PAQR5: variants seen among roughly 807,000 people sequenced by gnomAD.
PAQR5 encodes membrane progestin receptor gamma.
PAQR5 carries 20 observed loss-of-function variants against 34.5 expected under a neutral mutation model. That is an observed-to-expected ratio of 0.58 (90% CI 0.41 to 0.84). The LOEUF (loss-of-function observed/expected upper bound fraction) is 0.84, where lower values mean the gene tolerates loss of function less well. PAQR5 is among the 40% of genes least tolerant of loss of function. The pLI, the probability that PAQR5 is intolerant of heterozygous loss-of-function variation, is 0.00. For missense variants in PAQR5, 378 were observed against 412.7 expected (o/e 0.92, Z 0.73); for synonymous variants, 131 against 155.6 (o/e 0.84, Z 1.18).
intron 1 of PAQR5, among the ~76,000 whole-genome samples, chr15:69,335,711 G>C (rs2054500709): frequency 6.6e-6 from 1 of 151,816 alleles, no homozygotes; most frequent in South Asian, 2.1e-4. Flanking sequence ...CCACCCTTAG[G>C]TTAAAGCATT....
At chr15:69,339,960 G>C (rs1235480904) in intron 2 of PAQR5, among the ~76,000 whole-genome samples, 1 of 152,090 alleles carries the variant, frequency 6.6e-6, no homozygotes, top group African/African-American at 2.4e-5. Flanking sequence ...TCTGCCTCCC[G>C]GGTTCAAGCG....
chr15:69,332,497 G>T (rs376625197), intron 1 of PAQR5, among the ~76,000 whole-genome samples: 1 of 152,158 alleles, frequency 6.6e-6, no homozygotes, highest in Non-Finnish European at 1.5e-5. Context: ...TTAAAAGCCT[G>T]TGCAAGCTTG....
At chr15:69,335,315 G>A (rs578029189) in intron 1 of PAQR5, among the ~76,000 whole-genome samples, 4 of 141,422 alleles carry the variant, frequency 2.8e-5, no homozygotes, top group African/African-American at 1.1e-4. Context: ...GCATGATCTC[G>A]GCTCACCACA....
At chr15:69,392,625 C>G (rs1467045604) in intron 6 of PAQR5, among the ~76,000 whole-genome samples, 2 of 152,154 alleles carry the variant, frequency 1.3e-5, no homozygotes, top group South Asian at 4.1e-4. Flanking sequence ...ATAGGAGAGA[C>G]AGACTGCAGA....
intron 1 of PAQR5, among the ~76,000 whole-genome samples, chr15:69,335,067 A>G (rs948695975): frequency 6.6e-6 from 1 of 151,948 alleles, no homozygotes; most frequent in Non-Finnish European, 1.5e-5. Context: ...TACTGAAAAA[A>G]TACAAAAATT....
At chr15:69,382,427 A>G (rs2055910953) in intron 4 of PAQR5, among the ~76,000 whole-genome samples, 1 of 152,030 alleles carries the variant, frequency 6.6e-6, no homozygotes, top group Admixed American at 6.6e-5. Context: ...CAGGCAGACC[A>G]CAAGGTCAGG....
chr15:69,352,942 G>C (rs1038001708), intron 2 of PAQR5, among the ~76,000 whole-genome samples: 1 of 152,226 alleles, frequency 6.6e-6, no homozygotes, highest in Non-Finnish European at 1.5e-5. Flanking sequence ...TCACCAAAGA[G>C]TGACCTCGTC....
intron 5 of PAQR5, 117 bp from the exon 6 acceptor site, chr15:69,389,537 A>C (rs972340329): frequency 1.4e-5 from 19 of 1,334,518 alleles, no homozygotes; most frequent in Non-Finnish European, 1.7e-5. Context: ...GCGAGGGCGC[A>C]GAGCCAGGAC....
intron 7 of PAQR5, among the ~76,000 whole-genome samples, chr15:69,398,504 C>T (rs151143880): frequency 6.6e-4 from 100 of 152,256 alleles, no homozygotes; most frequent in African/African-American, 1.9e-3. Flanking sequence ...GTCCAGTACC[C>T]GGTGAGTGAA....
At chr15:69,318,660 G>T (rs527643921) in intron 1 of PAQR5, among the ~76,000 whole-genome samples, 305 of 151,974 alleles carry the variant, frequency 2.0e-3, no homozygotes, top group Admixed American at 4.6e-3. Context: ...CCCCTTATCT[G>T]CAAGGGAGGT....
chr15:69,403,806 A>G lies in PAQR5; in HGVS notation c.977A>G (p.His326Arg). 1.2e-6 allele frequency: 2 copies of G among 1,613,990 alleles called. No homozygotes were observed. The highest frequency in any genetic ancestry group is 1.7e-6 in the Non-Finnish European group (2 of 1,179,994). Residue 326 changes from histidine (H) to arginine (R), a missense_variant, in exon 9 of 9, where the codon CAT (histidine) becomes CGT (arginine). By Grantham distance (29) the His-to-Arg change is conservative. Transcript: ENST00000395407. ...ALYRIPKPEL[H>R]KKET Reference sequence around the variant, plus strand: ...TATCGGATTCCCAAGCCAGAATTACATAAAAAAGAAACATGACTCAGACCA... The same window carrying G: ...TATCGGATTCCCAAGCCAGAATTACGTAAAAAAGAAACATGACTCAGACCA...
intron 8 of PAQR5, chr15:69,401,055 G>A (rs550872502): frequency 5.9e-5 from 9 of 152,268 alleles, no homozygotes; most frequent in East Asian, 3.9e-4. Context: ...TCAGAGTCAC[G>A]GGGGTTTCCA....
rs1378943322 is a variant in PAQR5 at position 69,379,929 on chromosome 15, G to A, written c.98G>A (p.Ser33Asn). Residue 33 changes from serine to asparagine, a missense_variant, in exon 4 of 9, where the codon AGT (serine) becomes AAT (asparagine). By Grantham distance (46) the Ser-to-Asn change is conservative. Coordinates refer to ENST00000395407, the MANE Select transcript of PAQR5 (RefSeq NM_017705.4). ...CTGTTCGGCTACCGCCATCCACAGA[G>A]TTCTGCCACTGCCTGCATCCTCAGC... ...GILFGYRHPQ[S>N]SATACILSLF... 1.2e-6 allele frequency: 2 copies of A among 1,614,212 alleles called. No homozygotes were observed. Among genetic ancestry groups the A allele is most frequent in the South Asian group, 2.2e-5 (2 of 91,082 alleles).
At chr15:69,319,895 C>G (rs760178334) in intron 1 of PAQR5, among the ~76,000 whole-genome samples, 1 of 152,218 alleles carries the variant, frequency 6.6e-6, no homozygotes, top group Non-Finnish European at 1.5e-5. Flanking sequence ...TGAAGGCACT[C>G]ACCCTCGCCC....
chr15:69,361,057 G>A (rs1011089095), intron 3 of PAQR5, among the ~76,000 whole-genome samples: 1 of 152,200 alleles, frequency 6.6e-6, no homozygotes, highest in Non-Finnish European at 1.5e-5. Context: ...CTGTTTGGTG[G>A]GGTGAGCTGA....
rs1175458978 is a variant in PAQR5 at position 69,300,621 on chromosome 15, CTTTCTTTCTT to C, written c.-277+1567_-277+1576del. On this transcript the variant is annotated intron_variant, in intron 1 of 8. Coordinates refer to ENST00000395407, the MANE Select transcript of PAQR5 (RefSeq NM_017705.4). The stretch of plus-strand genomic sequence containing the variant: ...TCTTTCTTTCTTTCTTTCTTTCTTT[CTTTCTTTCTT>C]TCTTTCTTTCTTTCTTTCTTTTCTT... 1.3e-4 allele frequency among the ~76,000 whole-genome samples: 7 copies of C among 54,262 alleles called. 1 individual carries two copies. The highest frequency in any genetic ancestry group is 4.1e-4 in the African/African-American group (7 of 17,172). The allele number at this position is 54,262 out of a possible 152,430, so 35.6% of individuals were successfully genotyped here. A position where few individuals can be genotyped will look rare whatever the true frequency, so the allele number is the denominator to read the frequency against.
intron 3 of PAQR5, among the ~76,000 whole-genome samples, chr15:69,365,732 T>C (rs555903058): frequency 6.6e-6 from 1 of 152,334 alleles, no homozygotes; most frequent in East Asian, 1.9e-4. Flanking sequence ...ATTTATTCTA[T>C]GGGGAAAAAT....
At chr15:69,369,810 A>G (rs575249025) in intron 3 of PAQR5, among the ~76,000 whole-genome samples, 1 of 149,494 alleles carries the variant, frequency 6.7e-6, no homozygotes, top group South Asian at 2.1e-4. Context: ...AATTTATTTC[A>G]CACTCACTTA....
At chr15:69,323,247 G>A (rs1021804211) in intron 1 of PAQR5, among the ~76,000 whole-genome samples, 4 of 152,218 alleles carry the variant, frequency 2.6e-5, no homozygotes, top group East Asian at 1.9e-4. Flanking sequence ...AGAGGCTGGC[G>A]CACAGTGAGT....
Sources: gnomAD v4.1 joint callset for allele counts (sites outside exome capture counted in the v4.1 genomes callset) on GRCh38, gnomAD v4.1.1 for gene constraint, MANE v1.5 for transcripts, NCBI Gene and HGNC (gene_info 2026-07-23, HGNC 2026-07-21) for gene names.